FASTKD5: variants seen among roughly 807,000 people sequenced by gnomAD.
The protein encoded by FASTKD5 is FAST kinase domains 5.
Under a neutral mutation model 44.0 loss-of-function variants are expected in FASTKD5, and 30 were observed. That is an observed-to-expected ratio of 0.68 (90% CI 0.51 to 0.93). FASTKD5 has a LOEUF of 0.93. FASTKD5 is among the 40% of genes least tolerant of loss of function. The pLI, the probability that FASTKD5 is intolerant of heterozygous loss-of-function variation, is 0.00. For missense variants in FASTKD5, 868 were observed against 908.2 expected (o/e 0.96, Z 0.57); for synonymous variants, 335 against 342.2 (o/e 0.98, Z 0.23).
intron 1 of FASTKD5, chr20:3,151,647 T>TA (rs556154498): frequency 4.6e-5 from 7 of 151,274 alleles, no homozygotes; most frequent in East Asian, 1.9e-4. Flanking sequence ...AAAAATAAAT[T>TA]AAAAAAATAA....
In FASTKD5 at chr20:3,148,953, C is replaced by T. The variant is rs537966853; in HGVS notation, c.118G>A (p.Gly40Arg). ...CTAATGTGTTCTGGAGGGTCCTGTC[C>T]CCCATGCTGTGTGCTGCTCACATTC... Reference protein sequence around the residue: ...YWNVSSTQHGGQDPPEHISLC... With the variant: ...YWNVSSTQHGRQDPPEHISLC... Residue 40 changes from glycine to arginine, a missense_variant, in exon 2 of 2, where the codon GGA (glycine) becomes AGA (arginine). Transcript: ENST00000380266. The T allele has an allele frequency of 4.3e-6, 7 of 1,614,164 alleles. No homozygotes were observed. The Admixed American group carries it at 5.0e-5, about 12-fold the overall frequency.
chr20:3,150,079 C>T (rs1213747033), intron 1 of FASTKD5, among the ~76,000 whole-genome samples: 3 of 151,896 alleles, frequency 2.0e-5, no homozygotes, highest in Admixed American at 2.0e-4. Context: ...GTTCTTATAG[C>T]GCAAAACTGT....
At position 3,151,166 on chromosome 20, in the gene FASTKD5, G is replaced by A. The variant is rs2066620398; in HGVS notation, c.-190-1906C>T. Among the ~76,000 whole-genome samples, 3 of 152,058 alleles carry A rather than the reference G, an allele frequency of 2.0e-5. No individual in the cohort carries two copies. In the South Asian group the frequency reaches 6.2e-4, roughly 32 times the overall value. ...GATCCTCCTACCCTGGCCTCCTGAA[G>A]TGCTAGTATTACAGGCATCAGCCAC... On this transcript the variant is annotated intron_variant, in intron 1 of 1. Transcript: ENST00000380266.
At position 3,147,248 on chromosome 20, in the gene FASTKD5, G is replaced by C; in HGVS notation, c.1823C>G (p.Thr608Arg). Residue 608 changes from threonine (T) to arginine (R), a missense_variant, in exon 2 of 2, where the codon ACG becomes AGG. By Grantham distance (71) the Thr-to-Arg change is moderately conservative. Coordinates refer to ENST00000380266, the MANE Select transcript of FASTKD5 (RefSeq NM_021826.5). The stretch of plus-strand genomic sequence containing the variant: ...TAATTTGGCTACATTTTCAGCCGGC[G>C]TGGCTTCTCTATTAAATGGTAATGG... Reference protein sequence around the residue: ...LKPLPFNREATPAENVAKLRL... With the variant: ...LKPLPFNREARPAENVAKLRL... 1 of 1,614,208 alleles carries C rather than the reference G, an allele frequency of 6.2e-7. No homozygotes were observed. The highest frequency in any genetic ancestry group is 1.3e-5 in the African/African-American group (1 of 75,040).
At chr20:3,157,333 T>C (rs558006383) in intron 1 of FASTKD5, among the ~76,000 whole-genome samples, 1 of 152,316 alleles carries the variant, frequency 6.6e-6, no homozygotes, top group South Asian at 2.1e-4. Flanking sequence ...CAAAGGTGTT[T>C]AGGTCAAGTT....
intron 1 of FASTKD5, among the ~76,000 whole-genome samples, chr20:3,159,382 G>T (rs894473300): frequency 1.3e-5 from 2 of 152,210 alleles, no homozygotes; most frequent in African/African-American, 4.8e-5. Flanking sequence ...ACCCACCCCA[G>T]TCCTACAGAA....
chr20:3,147,679 T>G lies in FASTKD5; in HGVS notation c.1392A>C (p.Glu464Asp). ...LISEIHRKMP[E>D]FNQYPEHLPT... ...GCAGGTGTTCTGGGTACTGGTTGAA[T>G]TCAGGCATCTTTCTGTGAATCTCAC... Residue 464 changes from glutamate (E) to aspartate (D), a missense_variant, in exon 2 of 2, where the codon GAA (glutamate) becomes GAC (aspartate). Glu to Asp is a conservative substitution (Grantham distance 45, BLOSUM62 2). Transcript: ENST00000380266. 6.2e-7 allele frequency: 1 copy of G among 1,614,258 alleles called. No homozygotes were observed. The highest frequency in any genetic ancestry group is 8.5e-7 in the Non-Finnish European group (1 of 1,180,044).
At chr20:3,158,562 C>T (rs1398645719) in intron 1 of FASTKD5, among the ~76,000 whole-genome samples, 1 of 152,206 alleles carries the variant, frequency 6.6e-6, no homozygotes, top group East Asian at 1.9e-4. Context: ...CACACTCCGC[C>T]TCCCGGGGTT....
intron 1 of FASTKD5, chr20:3,156,757 G>A (rs1368577525): frequency 6.6e-6 from 1 of 152,332 alleles, no homozygotes; most frequent in Non-Finnish European, 1.5e-5. Context: ...GAAGTTAGAG[G>A]AGGGGGGCCA....
At chr20:3,157,116 A>G (rs1012371112) in intron 1 of FASTKD5, among the ~76,000 whole-genome samples, 2 of 152,130 alleles carry the variant, frequency 1.3e-5, no homozygotes, top group Non-Finnish European at 2.9e-5. Flanking sequence ...AAGGGCAAAA[A>G]AACCGAACTT....
At chr20:3,154,397 ACAGG>A (rs758486063) in intron 1 of FASTKD5, among the ~76,000 whole-genome samples, 1 of 152,248 alleles carries the variant, frequency 6.6e-6, no homozygotes, top group Non-Finnish European at 1.5e-5. Context: ...ATATGTTACC[ACAGG>A]CAGGATGCAA....
chr20:3,148,317 T>A lies in FASTKD5; in HGVS notation c.754A>T (p.Arg252Trp). The change falls in exon 2 of 2, where the codon AGG becomes TGG. Residue 252 changes from arginine (R) to tryptophan (W), a missense_variant. Arg to Trp is a moderately radical substitution (Grantham distance 101). Coordinates refer to ENST00000380266, the MANE Select transcript of FASTKD5 (RefSeq NM_021826.5). Reference protein sequence around the residue: ...DQLLLVADLWRYLGRKVPRFL... With the variant: ...DQLLLVADLWWYLGRKVPRFL... ...CTAGGTACTTTGCGGCCTAAGTACC[T>A]CCAGAGATCAGCCACCAAAAGGAGC... 1.2e-6 allele frequency: 2 copies of A among 1,613,904 alleles called. No individual in the cohort carries two copies. The highest frequency in any genetic ancestry group is 1.7e-6 in the Non-Finnish European group (2 of 1,179,994).
At chr20:3,157,350 C>A (rs1427911220) in intron 1 of FASTKD5, among the ~76,000 whole-genome samples, 1 of 152,220 alleles carries the variant, frequency 6.6e-6, no homozygotes, top group Non-Finnish European at 1.5e-5. Context: ...AGTTCAGTGT[C>A]ACTCGCAGGT....
At chr20:3,158,794 CAGGTA>C (rs1299027180) in intron 1 of FASTKD5, among the ~76,000 whole-genome samples, 2 of 152,186 alleles carry the variant, frequency 1.3e-5, no homozygotes, top group Non-Finnish European at 2.9e-5. Context: ...TTTAGTCTAC[CAGGTA>C]GTAGCAAACT....
Position 3,149,086 on chromosome 20 carries a change from G to T in FASTKD5, c.-16C>A. The T allele has an allele frequency of 6.3e-7, 1 of 1,595,086 alleles. No homozygotes were observed. Among genetic ancestry groups the T allele is most frequent in the Non-Finnish European group, 8.5e-7 (1 of 1,170,266 alleles). On this transcript the variant is annotated 5_prime_UTR_variant, in exon 2 of 2. Coordinates refer to ENST00000380266, the MANE Select transcript of FASTKD5 (RefSeq NM_021826.5). This position sits in a 1 kb window ranked among gnomAD's most constrained non-coding sequence, Gnocchi z 4.1. ...TAGCTGCCATTCTGGTGTCAGTATT[G>T]ATCTCTTTGGCAGTCAGAATACAGT... is the stretch of plus-strand genomic sequence containing the variant.
chr20:3,148,815 AG>A lies in FASTKD5; in HGVS notation c.255del (p.Ser86LeufsTer21). 1 of 1,614,228 alleles carries A rather than the reference AG, an allele frequency of 6.2e-7. No individual in the cohort carries two copies. The highest frequency in any genetic ancestry group is 8.5e-7 in the Non-Finnish European group (1 of 1,180,042). ...CCCAGCTGCAATGTACTGGCCTTAG[AG>A]GAAGAAGTCTTGCTGAATTCCAAAC... ...HPGLEFSKTS[S>X]SKASTLQLGS... is the part of the protein sequence containing the mutation. On this transcript the variant is annotated frameshift_variant, in exon 2 of 2. Transcript: ENST00000380266. LOFTEE classifies it high-confidence loss of function.
chr20:3,157,201 G>A (rs1296859358), intron 1 of FASTKD5, among the ~76,000 whole-genome samples: 1 of 152,224 alleles, frequency 6.6e-6, no homozygotes, highest in Non-Finnish European at 1.5e-5. Context: ...GAGACTGGCA[G>A]TAAGGACCTT....
In FASTKD5 at chr20:3,148,856, C is replaced by G; in HGVS notation, c.215G>C (p.Ser72Thr). The change falls in exon 2 of 2, where the codon AGC becomes ACC. Residue 72 changes from serine to threonine, a missense_variant. By Grantham distance (58) the Ser-to-Thr change is moderately conservative. Coordinates refer to ENST00000380266, the MANE Select transcript of FASTKD5 (RefSeq NM_021826.5). ...TFSSRRILTTSSAHPGLEFSK... is the reference protein window; with the variant it reads ...TFSSRRILTTTSAHPGLEFSK... ...GAATTCCAAACCTGGGTGGGCACTG[C>G]TGGTTGTCAGGATTCTCCGAGAAGA... 1 of 1,614,194 alleles carries G rather than the reference C, an allele frequency of 6.2e-7. No individual in the cohort carries two copies. The highest frequency in any genetic ancestry group is 8.5e-7 in the Non-Finnish European group (1 of 1,180,042).
Position 3,148,809 on chromosome 20 carries a change from C to T in FASTKD5, c.262G>A (p.Ala88Thr). The T allele has an allele frequency of 6.2e-7, 1 of 1,614,202 alleles. No homozygotes were observed. Among genetic ancestry groups the T allele is most frequent in the Non-Finnish European group, 8.5e-7 (1 of 1,180,036 alleles). ...LEFSKTSSSK[A>T]STLQLGSPRA... The stretch of plus-strand genomic sequence containing the variant: ...GGTGAGCCCAGCTGCAATGTACTGG[C>T]CTTAGAGGAAGAAGTCTTGCTGAAT... The change falls in exon 2 of 2, where the codon GCC becomes ACC. Residue 88 changes from alanine (A) to threonine (T), a missense_variant. Transcript: ENST00000380266.
Sources: allele counts gnomAD v4.1 joint callset (sites outside exome capture counted in the v4.1 genomes callset), GRCh38; gene constraint gnomAD v4.1.1; non-coding constraint Gnocchi (gnomAD v3.1); transcripts MANE v1.5; gene names NCBI Gene and HGNC (gene_info 2026-07-23, HGNC 2026-07-21).